Variants in RYR3 observed in about 807,000 individuals in gnomAD.
RYR3 encodes the protein ryanodine receptor 3.
RYR3 carries 207 observed loss-of-function variants against 584.3 expected under a neutral mutation model. The ratio of observed to expected loss-of-function variants is 0.35; its 90% confidence interval spans 0.32 to 0.40. The LOEUF (loss-of-function observed/expected upper bound fraction) is 0.40. RYR3 is among the 10% of genes least tolerant of loss of function. The probability of loss-of-function intolerance (pLI) is 1.00; values close to 1 mark genes in which losing one functional copy is unlikely to be tolerated. For missense variants in RYR3, 5,616 were observed against 6,089.2 expected, an observed-to-expected ratio of 0.92 and a Z score of 2.59; for synonymous variants, 2,416 against 2,248.5, an observed-to-expected ratio of 1.07 and a Z score of -2.11.
In RYR3 at chr15:33,823,304, C is replaced by G. The variant is rs544695944; in HGVS notation, c.11072+232C>G. Among the ~76,000 whole-genome samples the G allele has an allele frequency of 7.2e-5, 11 of 152,290 alleles. No homozygotes were observed. In the East Asian group the frequency reaches 9.7e-4, roughly 13 times the overall value. On this transcript the variant is annotated intron_variant, in intron 81 of 103. Coordinates refer to ENST00000634891, the MANE Select transcript of RYR3 (RefSeq NM_001036.6). ...CATTAGCCACATACACACGCTCCCC[C>G]ACTGCTGTTGTGTTTAATCTCCCTT... is the stretch of plus-strand genomic sequence containing the variant.
At chr15:33,851,648 G>A (rs1451715549) in intron 94 of RYR3, 1 of 152,162 alleles carries the variant, frequency 6.6e-6, no homozygotes, top group Non-Finnish European at 1.5e-5. Context: ...CCGCATCTAT[G>A]AAGGGGTCAT....
At chr15:33,710,211 T>C (rs575948788) in intron 43 of RYR3, among the ~76,000 whole-genome samples, 2 of 152,288 alleles carry the variant, frequency 1.3e-5, no homozygotes, top group African/African-American at 4.8e-5. Context: ...GGTGCTGGTA[T>C]CTACTAAACT....
chr15:33,644,131 G>T (rs2061974167), intron 27 of RYR3, among the ~76,000 whole-genome samples, 180 bp from the exon 28 acceptor site: 1 of 152,180 alleles, frequency 6.6e-6, no homozygotes, highest in African/African-American at 2.4e-5. Flanking sequence ...GGCAGTGGTG[G>T]TCTCCATGTG....
chr15:33,661,489 C>T (rs999221345), intron 34 of RYR3, among the ~76,000 whole-genome samples: 1 of 152,126 alleles, frequency 6.6e-6, no homozygotes, highest in Non-Finnish European at 1.5e-5. Context: ...TGGTCCCCAG[C>T]CTTTTTGGCA....
At position 33,660,313 on chromosome 15, in the gene RYR3, C is replaced by A; in HGVS notation, c.4512C>A (p.Pro1504=). 6.3e-7 allele frequency: 1 copy of A among 1,584,658 alleles called. No homozygotes were observed. The highest frequency in any genetic ancestry group is 2.3e-5 in the East Asian group (1 of 43,138). Residue 1504 remains proline (P), a synonymous_variant, in exon 34 of 104, where the codon CCC becomes CCA. Transcript: ENST00000634891. The part of the protein sequence containing the change: ...TIQPVLWSRM[P]NSFLKVETER... ...AGCCCGTGCTCTGGAGCCGCATGCCCAACAGCTTCCTGAAGGTGGAGACCG... is the reference window on the plus strand; with the variant it reads ...AGCCCGTGCTCTGGAGCCGCATGCCAAACAGCTTCCTGAAGGTGGAGACCG...
chr15:33,726,283 AC>A, intron 45 of RYR3, 102 bp from the exon 46 acceptor site: 5 of 1,257,034 alleles, frequency 4.0e-6, no homozygotes, highest in Non-Finnish European at 5.6e-6. Context: ...ATAGAAATGG[AC>A]CCCTGCCCTT....
At chr15:33,731,322 A>G (rs1596342482) in intron 47 of RYR3, among the ~76,000 whole-genome samples, 152 bp from the exon 48 acceptor site, 1 of 152,092 alleles carries the variant, frequency 6.6e-6, no homozygotes, top group African/African-American at 2.4e-5. Context: ...GAAAAATAGA[A>G]CTGCCGATAA....
Position 33,691,302 on chromosome 15 carries a change from T to C in RYR3, c.5861-4916T>C, listed in dbSNP as rs532343734. Reference sequence around the variant, plus strand: ...ATTGGTTCGTTGAGTTAATAAGAACTTCAAAATCTTGACACATTTCATTAT... The same window carrying C: ...ATTGGTTCGTTGAGTTAATAAGAACCTCAAAATCTTGACACATTTCATTAT... On this transcript the variant is annotated intron_variant, in intron 38 of 103. Transcript: ENST00000634891. 5.3e-5 allele frequency among the ~76,000 whole-genome samples: 8 copies of C among 152,326 alleles called. No individual in the cohort carries two copies. The South Asian group carries it at 1.7e-3, about 32-fold the overall frequency.
chr15:33,825,909 T>C, intron 82 of RYR3: 1 of 503,472 alleles, frequency 2.0e-6, no homozygotes, highest in Non-Finnish European at 3.5e-6. Flanking sequence ...ATTTTTTGTA[T>C]TTTTAGTAGA....
chr15:33,687,023 C>G (rs1357377379), intron 38 of RYR3, among the ~76,000 whole-genome samples: 1 of 152,202 alleles, frequency 6.6e-6, no homozygotes, highest in Non-Finnish European at 1.5e-5. Context: ...GGGATGCCCT[C>G]TCTCACCACG....
intron 42 of RYR3, among the ~76,000 whole-genome samples, chr15:33,703,182 T>C (rs1227163004): frequency 6.6e-6 from 1 of 152,190 alleles, no homozygotes; most frequent in East Asian, 1.9e-4. Flanking sequence ...GTTAGTAAAT[T>C]CTATTTCAAA....
chr15:33,853,166 C>A, intron 95 of RYR3, 79 bp downstream of exon 95: 1 of 1,209,314 alleles, frequency 8.3e-7, no homozygotes, highest in Non-Finnish European at 1.1e-6. Context: ...CACATACAAA[C>A]ATGAGTAAAT....
At chr15:33,773,780 G>T (rs1355333108) in intron 64 of RYR3, among the ~76,000 whole-genome samples, 165 bp downstream of exon 64, 3 of 152,220 alleles carry the variant, frequency 2.0e-5, no homozygotes, top group African/African-American at 7.2e-5. Context: ...GCAATGTAAA[G>T]AAGTGCAATG....
rs1397761975 is a variant in RYR3 at position 33,669,426 on chromosome 15, G to C, written c.5692G>C (p.Asp1898His). The change falls in exon 37 of 104, where the codon GAT becomes CAT. Residue 1898 changes from aspartate to histidine, a missense_variant. This residue lies in a region of RYR3 where 1,280 missense variants were observed against 1,426.2 expected (regional missense o/e 0.90). Coordinates refer to ENST00000634891, the MANE Select transcript of RYR3 (RefSeq NM_001036.6). ...AGAGGAGATTCGGGAGGAGCTGTAT[G>C]ATTTCCATGAGGACCTTCTCCTTCA... Reference protein sequence around the residue: ...CPEEIREELYDFHEDLLLHCG... With the variant: ...CPEEIREELYHFHEDLLLHCG... The C allele has an allele frequency of 6.2e-7, 1 of 1,613,966 alleles. No individual in the cohort carries two copies.
chr15:33,660,121 A>AT, intron 33 of RYR3, 76 bp from the exon 34 acceptor site: 1 of 955,086 alleles, frequency 1.0e-6, no homozygotes, highest in South Asian at 1.5e-5. Context: ...TATACTGGCC[A>AT]TATCGGTTAA....
chr15:33,606,981 C>T (rs2059939774), intron 18 of RYR3, among the ~76,000 whole-genome samples: 1 of 152,322 alleles, frequency 6.6e-6, no homozygotes, highest in Middle Eastern at 3.4e-3. Flanking sequence ...CAGATCTGCA[C>T]AAGGGGACTT....
chr15:33,663,395 G>A (rs2063282745), intron 35 of RYR3, 142 bp from the exon 36 acceptor site: 1 of 685,124 alleles, frequency 1.5e-6, no homozygotes, highest in Non-Finnish European at 2.5e-6. Flanking sequence ...CGACTTAATG[G>A]TGAAGATTTG....
chr15:33,668,181 T>G (rs574724547), intron 36 of RYR3, among the ~76,000 whole-genome samples: 79 of 146,726 alleles, frequency 5.4e-4, no homozygotes, highest in Middle Eastern at 3.7e-3. Context: ...GCCGGGCGTG[T>G]TGGCGGGCGC....
At chr15:33,814,475 A>G (rs180713783) in intron 74 of RYR3, among the ~76,000 whole-genome samples, 2 of 152,360 alleles carry the variant, frequency 1.3e-5, no homozygotes, top group Non-Finnish European at 1.5e-5. Flanking sequence ...ATAAAGGACT[A>G]TTCCTATGCT....
Sources: allele counts gnomAD v4.1 joint callset (sites outside exome capture counted in the v4.1 genomes callset), GRCh38; gene constraint gnomAD v4.1.1; regional missense constraint gnomAD v4.1.1; transcripts MANE v1.5; gene names NCBI Gene and HGNC (gene_info 2026-07-23, HGNC 2026-07-21).